The following NAA15 variants were observed in gnomAD, a reference collection of about 807,000 sequenced individuals.
NAA15 encodes N-alpha-acetyltransferase 15, NatA auxiliary subunit, also known as N-terminal acetyltransferase.
In NAA15, 34 loss-of-function variants were observed where a neutral mutation model predicts 114.0. The ratio of observed to expected loss-of-function variants is 0.30; its 90% CI spans 0.23 to 0.40. NAA15 has a LOEUF of 0.40. Ranked by LOEUF, NAA15 falls within the 10% of genes least tolerant of loss-of-function variation. The pLI, the probability that NAA15 is intolerant of heterozygous loss-of-function variation, is 1.00. For synonymous variants in NAA15, 340 were observed against 338.0 expected, an observed-to-expected ratio of 1.01 and a Z score of -0.06; for missense variants, 658 against 1,004.5, an observed-to-expected ratio of 0.66 and a Z score of 4.66.
At chr4:139,380,983 C>T (rs1748736498) in intron 17 of NAA15, among the ~76,000 whole-genome samples, 1 of 152,182 alleles carries the variant, frequency 6.6e-6, no homozygotes. Flanking sequence ...GTTGTAACTG[C>T]TTCTTTACAA....
chr4:139,384,968 C>A lies in NAA15; in HGVS notation c.2292C>A (p.His764Gln). The change falls in exon 18 of 20, where the codon CAC (histidine) becomes CAA (glutamine). Residue 764 changes from histidine to glutamine, a missense_variant. Coordinates refer to ENST00000296543, the MANE Select transcript of NAA15 (RefSeq NM_057175.5). ...FLKRNSDSLP[H>Q]RLSAAKMVYY... ...AAAGGAATTCTGATTCATTGCCACA[C>A]AGATTATCAGGTAATCACTTTATTT... is the stretch of plus-strand genomic sequence containing the variant. 1 of 1,548,328 alleles carries A rather than the reference C, an allele frequency of 6.5e-7. No homozygotes were observed. The highest frequency in any genetic ancestry group is 8.7e-7 in the Non-Finnish European group (1 of 1,150,776).
At chr4:139,323,008 G>A (rs1030139153) in intron 1 of NAA15, among the ~76,000 whole-genome samples, 18 of 151,324 alleles carry the variant, frequency 1.2e-4, no homozygotes, top group African/African-American at 4.4e-4. Flanking sequence ...AGTATTTGAC[G>A]GAGGATGGAG....
At chr4:139,308,897 G>A (rs1046160626) in intron 1 of NAA15, among the ~76,000 whole-genome samples, 10 of 151,862 alleles carry the variant, frequency 6.6e-5, no homozygotes, top group East Asian at 5.8e-4. Flanking sequence ...GATTACAGGC[G>A]TGAGCCACCG....
At chr4:139,368,945 T>G (rs1748357745) in intron 14 of NAA15, among the ~76,000 whole-genome samples, 1 of 152,266 alleles carries the variant, frequency 6.6e-6, no homozygotes, top group South Asian at 2.1e-4. Flanking sequence ...ATTTCCAGTC[T>G]TTTGAGACAG....
At chr4:139,333,502 A>G (rs1747098186) in intron 1 of NAA15, among the ~76,000 whole-genome samples, 1 of 149,948 alleles carries the variant, frequency 6.7e-6, no homozygotes, top group African/African-American at 2.5e-5. Flanking sequence ...TTTTCCGTGT[A>G]TTTTGCATGG....
chr4:139,332,907 G>A (rs975788153), intron 1 of NAA15, among the ~76,000 whole-genome samples: 2 of 152,092 alleles, frequency 1.3e-5, no homozygotes, highest in African/African-American at 4.8e-5. Flanking sequence ...ATGTATGGGA[G>A]CAAAATGACA....
intron 6 of NAA15, among the ~76,000 whole-genome samples, chr4:139,344,960 G>A (rs546622437): frequency 2.0e-5 from 3 of 152,296 alleles, no homozygotes; most frequent in South Asian, 2.1e-4. Context: ...AGTTGAGGGC[G>A]TGATTATAGA....
At chr4:139,332,572 GTTTTTTTTTTT>G (rs1164115947) in intron 1 of NAA15, among the ~76,000 whole-genome samples, 12 of 62,012 alleles carry the variant, frequency 1.9e-4, no homozygotes, top group Admixed American at 5.0e-4. Flanking sequence ...TGGTTTGTAT[GTTTTTTTTTTT>G]TTTTTTTTTT....
intron 4 of NAA15, among the ~76,000 whole-genome samples, chr4:139,341,519 G>A (rs1429895964): frequency 8.8e-5 from 13 of 147,336 alleles, no homozygotes; most frequent in Non-Finnish European, 3.0e-5. Context: ...GCCTGAACCC[G>A]GGAGGTGGAG....
At chr4:139,316,718 A>G (rs1249886726) in intron 1 of NAA15, among the ~76,000 whole-genome samples, 1 of 151,718 alleles carries the variant, frequency 6.6e-6, no homozygotes, top group Non-Finnish European at 1.5e-5. Context: ...TACCAACAAT[A>G]TTGTTATCTT....
chr4:139,350,316 T>C (rs1030326225), intron 7 of NAA15, among the ~76,000 whole-genome samples: 10 of 152,116 alleles, frequency 6.6e-5, no homozygotes, highest in Admixed American at 6.5e-5. Flanking sequence ...AACGGAGATA[T>C]ATTCTTAAAA....
chr4:139,309,889 C>T (rs1022905360), intron 1 of NAA15, among the ~76,000 whole-genome samples: 1 of 152,082 alleles, frequency 6.6e-6, no homozygotes, highest in African/African-American at 2.4e-5. Flanking sequence ...GTGTCAAAGT[C>T]TTGCAGTCCT....
chr4:139,370,908 C>T (rs1748418731), intron 15 of NAA15, among the ~76,000 whole-genome samples: 1 of 152,118 alleles, frequency 6.6e-6, no homozygotes, highest in South Asian at 2.1e-4. Context: ...CCTCTGTTGT[C>T]AGTTTACATT....
At chr4:139,350,854 A>G (rs1747755847) in intron 7 of NAA15, among the ~76,000 whole-genome samples, 1 of 152,200 alleles carries the variant, frequency 6.6e-6, no homozygotes, top group Non-Finnish European at 1.5e-5. Context: ...GGCCAAAATC[A>G]GAGGAGAGGA....
At chr4:139,386,488 C>CT (rs1748912763) in intron 19 of NAA15, 4 of 268,120 alleles carry the variant, frequency 1.5e-5, no homozygotes, top group Non-Finnish European at 2.8e-5. Context: ...TTTCATATCT[C>CT]TGCATTTCTG....
intron 1 of NAA15, among the ~76,000 whole-genome samples, chr4:139,327,991 GT>G (rs939236959): frequency 2.0e-5 from 3 of 152,078 alleles, no homozygotes; most frequent in African/African-American, 4.8e-5. Context: ...GATCTGCAGT[GT>G]TTTTAGATGT....
chr4:139,317,897 C>T (rs561810113), intron 1 of NAA15, among the ~76,000 whole-genome samples: 51 of 152,268 alleles, frequency 3.3e-4, no homozygotes, highest in Admixed American at 1.3e-4. Flanking sequence ...TTGCAGATTT[C>T]TACTCTTATC....
Position 139,370,341 on chromosome 4 carries a change from GGAT to G in NAA15, c.1896_1898del (p.Asp632del), listed in dbSNP as rs770737196. On this transcript the variant is annotated inframe_deletion, in exon 15 of 20. Coordinates refer to ENST00000296543, the MANE Select transcript of NAA15 (RefSeq NM_057175.5). ...AGCAGAGAAATCAGAAAAAGAAGAA[GGAT>G]GATGATGATGAGGAGATAGGAGGTC... 1.3e-6 allele frequency: 2 copies of G among 1,594,604 alleles called. No individual in the cohort carries two copies. Among genetic ancestry groups the G allele is most frequent in the South Asian group, 1.1e-5 (1 of 87,368 alleles).
chr4:139,320,338 T>C (rs1746554400), intron 1 of NAA15, among the ~76,000 whole-genome samples: 1 of 152,190 alleles, frequency 6.6e-6, no homozygotes, highest in Non-Finnish European at 1.5e-5. Context: ...ATAGCCAGTC[T>C]GGTGCCTGAA....
Sources: gnomAD v4.1 joint callset for allele counts (sites outside exome capture counted in the v4.1 genomes callset) on GRCh38, gnomAD v4.1.1 for gene constraint, MANE v1.5 for transcripts, NCBI Gene and HGNC (gene_info 2026-07-23, HGNC 2026-07-21) for gene names.